THSD4: variants seen among roughly 807,000 people sequenced by gnomAD.
The protein encoded by THSD4 is thrombospondin type-1 domain-containing protein 4.
In THSD4, 69 loss-of-function variants were observed where a neutral mutation model predicts 119.0. The ratio of observed to expected loss-of-function variants is 0.58; its 90% CI spans 0.48 to 0.71. THSD4 has a LOEUF of 0.71. Among genes scored for constraint, THSD4 ranks in the 30% least tolerant of loss-of-function variants. The pLI is 0.00. For missense variants in THSD4, 1,393 were observed against 1,391.1 expected (o/e 1.00, Z -0.02); for synonymous variants, 524 against 540.4 (o/e 0.97, Z 0.42).
At chr15:71,155,833 GC>G (rs2040771893) in intron 3 of THSD4, among the ~76,000 whole-genome samples, 1 of 152,126 alleles carries the variant, frequency 6.6e-6, no homozygotes, top group Non-Finnish European at 1.5e-5. Flanking sequence ...TAAGAACCTG[GC>G]CTTCTCTTTC....
At chr15:71,558,859 C>T (rs11852532) in intron 7 of THSD4, among the ~76,000 whole-genome samples, 18,917 of 151,946 alleles carry the variant, frequency 0.12, 3,988 homozygotes, top group African/African-American at 0.43. Flanking sequence ...TGGAGGGTTT[C>T]GGTGTTTTTT....
intron 6 of THSD4, among the ~76,000 whole-genome samples, chr15:71,334,232 C>A (rs2045464463): frequency 6.6e-6 from 1 of 152,158 alleles, no homozygotes; most frequent in African/African-American, 2.4e-5. Context: ...TTTTGTGGAT[C>A]ATTTTTCTTC....
At chr15:71,561,900 A>T (rs1184319400) in intron 7 of THSD4, among the ~76,000 whole-genome samples, 5 of 52,922 alleles carry the variant, frequency 9.4e-5, no homozygotes, top group Non-Finnish European at 1.7e-4. Flanking sequence ...ACACACACAC[A>T]CACACACACA....
chr15:71,622,841 G>T (rs2050441613), intron 7 of THSD4, among the ~76,000 whole-genome samples: 1 of 152,180 alleles, frequency 6.6e-6, no homozygotes, highest in Non-Finnish European at 1.5e-5. Context: ...GTAAGTGAAG[G>T]CTCAGGATAG....
At chr15:71,475,593 A>G (rs528314355) in intron 7 of THSD4, among the ~76,000 whole-genome samples, 1 of 152,246 alleles carries the variant, frequency 6.6e-6, no homozygotes, top group Non-Finnish European at 1.5e-5. Flanking sequence ...TGGTCCAAGG[A>G]CCACACTCTA....
At position 71,739,103 on chromosome 15, in the gene THSD4, A is replaced by G. The variant is rs1371063058; in HGVS notation, c.1906+1096A>G. Among the ~76,000 whole-genome samples the G allele has an allele frequency of 1.3e-3, 203 of 151,586 alleles. 4 individuals carry two copies. Among genetic ancestry groups the G allele is most frequent in the African/African-American group, 4.8e-3 (199 of 41,496 alleles). On this transcript the variant is annotated intron_variant, in intron 11 of 17. Transcript: ENST00000261862. ...TCTCAAATCTCAGGATTTCAGAAAA[A>G]AAAAAAAAAAACAAAACTTTGCAGG...
intron 7 of THSD4, among the ~76,000 whole-genome samples, chr15:71,592,387 C>T (rs1004105210): frequency 6.6e-5 from 10 of 152,168 alleles, no homozygotes; most frequent in Non-Finnish European, 1.5e-4. Flanking sequence ...GTGTGCACAG[C>T]CACATGGCCC....
At chr15:71,347,237 C>T (rs1458218134) in intron 6 of THSD4, among the ~76,000 whole-genome samples, 1 of 151,806 alleles carries the variant, frequency 6.6e-6, no homozygotes, top group African/African-American at 2.4e-5. Context: ...AATCTAGGTT[C>T]CATTATCTTT....
At chr15:71,560,957 T>C (rs1481839315) in intron 7 of THSD4, among the ~76,000 whole-genome samples, 1 of 146,932 alleles carries the variant, frequency 6.8e-6, no homozygotes, top group African/African-American at 2.5e-5. Context: ...TCACTAAGCA[T>C]CATTCTCTTT....
intron 6 of THSD4, among the ~76,000 whole-genome samples, chr15:71,328,109 T>C (rs2045370539): frequency 1.3e-5 from 2 of 152,240 alleles, no homozygotes; most frequent in Non-Finnish European, 2.9e-5. Context: ...TGCATTCTGC[T>C]GGGAGAACCA....
chr15:71,417,482 T>C (rs906627640), intron 7 of THSD4, among the ~76,000 whole-genome samples: 1 of 108,480 alleles, frequency 9.2e-6, no homozygotes, highest in African/African-American at 3.1e-5. Context: ...CACCATTTTT[T>C]TTGAGGAGAC....
chr15:71,129,327 A>G (rs1596212982), intron 1 of THSD4, among the ~76,000 whole-genome samples: 1 of 152,328 alleles, frequency 6.6e-6, no homozygotes, highest in East Asian at 1.9e-4. Context: ...TCTCCAGAGT[A>G]CACAGTTTGA....
chr15:71,726,576 G>T (rs938871738), intron 8 of THSD4, among the ~76,000 whole-genome samples: 1 of 152,082 alleles, frequency 6.6e-6, no homozygotes, highest in Non-Finnish European at 1.5e-5. Flanking sequence ...TTAAATTTAG[G>T]AATTCTATAA....
intron 7 of THSD4, among the ~76,000 whole-genome samples, chr15:71,628,161 A>C (rs1183071669): frequency 1.3e-5 from 2 of 152,160 alleles, no homozygotes; most frequent in African/African-American, 4.8e-5. Flanking sequence ...CAAAGCCTTC[A>C]AAGTGATTCT....
intron 8 of THSD4, among the ~76,000 whole-genome samples, chr15:71,670,672 G>A (rs1292321591): frequency 3.4e-5 from 5 of 146,886 alleles, no homozygotes; most frequent in East Asian, 4.1e-4. Flanking sequence ...AACACGCCCC[G>A]GTGTGATGTT....
chr15:71,581,297 C>T (rs1217630669), intron 7 of THSD4, among the ~76,000 whole-genome samples: 1 of 152,062 alleles, frequency 6.6e-6, no homozygotes, highest in Non-Finnish European at 1.5e-5. Flanking sequence ...ATTTACATTT[C>T]CTTGGTGATT....
chr15:71,392,485 G>T (rs2046390881), intron 6 of THSD4, among the ~76,000 whole-genome samples: 2 of 152,184 alleles, frequency 1.3e-5, no homozygotes, highest in African/African-American at 4.8e-5. Flanking sequence ...CCCAGGTAAG[G>T]ACTATGCAGA....
intron 1 of THSD4, among the ~76,000 whole-genome samples, chr15:71,120,854 G>C (rs897780077): frequency 6.6e-6 from 1 of 152,230 alleles, no homozygotes; most frequent in Non-Finnish European, 1.5e-5. Context: ...ATTATCTGCA[G>C]GCATCTGATG....
intron 16 of THSD4, among the ~76,000 whole-genome samples, chr15:71,765,744 AT>A (rs1292556234): frequency 2.6e-5 from 4 of 151,514 alleles, no homozygotes; most frequent in African/African-American, 7.3e-5. Flanking sequence ...TCTGAAAAAC[AT>A]TTTTTTTAAT....
Sources: allele counts gnomAD v4.1 joint callset (sites outside exome capture counted in the v4.1 genomes callset), GRCh38; gene constraint gnomAD v4.1.1; transcripts MANE v1.5; gene names NCBI Gene and HGNC (gene_info 2026-07-23, HGNC 2026-07-21).